The following GLCE variants were observed in gnomAD, a reference collection of about 807,000 sequenced individuals.
The protein encoded by GLCE is D-glucuronyl C5-epimerase.
Under a neutral mutation model 47.9 loss-of-function variants are expected in GLCE, and 19 were observed. The observed-to-expected ratio is 0.40, with a 90% confidence interval of 0.28 to 0.58. The LOEUF (loss-of-function observed/expected upper bound fraction) is 0.58. GLCE is among the 20% of genes least tolerant of loss of function. GLCE has a pLI of 0.48. For synonymous variants in GLCE, 245 were observed against 263.4 expected (o/e 0.93, Z 0.68); for missense variants, 556 against 743.3 (o/e 0.75, Z 2.93).
intron 2 of GLCE, among the ~76,000 whole-genome samples, chr15:69,220,948 T>A (rs1219073230): frequency 1.3e-5 from 2 of 152,216 alleles, no homozygotes; most frequent in African/African-American, 2.4e-5. Context: ...TTGCATATGG[T>A]AAGGATCCAG....
intron 4 of GLCE, among the ~76,000 whole-genome samples, chr15:69,264,356 A>G (rs550508944): frequency 1.3e-5 from 2 of 152,150 alleles, no homozygotes; most frequent in African/African-American, 4.8e-5. Flanking sequence ...ATTCTATTCT[A>G]TAGGTATGTG....
At chr15:69,194,008 A>G (rs1390459861) in intron 1 of GLCE, among the ~76,000 whole-genome samples, 1 of 152,158 alleles carries the variant, frequency 6.6e-6, no homozygotes, top group African/African-American at 2.4e-5. Context: ...CTGAGAAATG[A>G]GAGAAGAAAA....
intron 1 of GLCE, among the ~76,000 whole-genome samples, chr15:69,198,080 T>C (rs2052021614): frequency 6.6e-6 from 1 of 152,196 alleles, no homozygotes; most frequent in South Asian, 2.1e-4. Context: ...TCCTTTCTTA[T>C]GTCTGTACCT....
In GLCE at chr15:69,219,073, T is replaced by C. The variant is rs188549121; in HGVS notation, c.-14+8667T>C. Reference sequence around the variant, plus strand: ...GTCTTTATCTTAATGGTATTGATAGTAATATAGTAATGTTATACTGTGAAC... The same window carrying C: ...GTCTTTATCTTAATGGTATTGATAGCAATATAGTAATGTTATACTGTGAAC... On this transcript the variant is annotated intron_variant, in intron 2 of 4. Transcript: ENST00000261858. 1.4e-3 allele frequency among the ~76,000 whole-genome samples: 216 copies of C among 152,242 alleles called. 1 individual carries two copies. Among genetic ancestry groups the C allele is most frequent in the African/African-American group, 5.0e-3 (209 of 41,576 alleles).
At chr15:69,205,223 A>G (rs2052134112) in intron 1 of GLCE, among the ~76,000 whole-genome samples, 2 of 151,802 alleles carry the variant, frequency 1.3e-5, no homozygotes, top group Non-Finnish European at 2.9e-5. Context: ...AAAAATGGTC[A>G]TGAAGTGGAA....
intron 2 of GLCE, among the ~76,000 whole-genome samples, chr15:69,255,161 A>C (rs956346483): frequency 4.6e-5 from 7 of 152,190 alleles, no homozygotes; most frequent in African/African-American, 1.4e-4. Flanking sequence ...TACCTTGAAA[A>C]GGTCTACTGT....
intron 1 of GLCE, among the ~76,000 whole-genome samples, chr15:69,168,007 T>A (rs2051530714): frequency 6.6e-6 from 1 of 152,164 alleles, no homozygotes; most frequent in South Asian, 2.1e-4. Context: ...ACTTTACTGG[T>A]CACCTTGTTT....
intron 1 of GLCE, among the ~76,000 whole-genome samples, chr15:69,189,435 C>T (rs1488792381): frequency 6.6e-6 from 1 of 152,164 alleles, no homozygotes; most frequent in Non-Finnish European, 1.5e-5. Flanking sequence ...TTTATTTATC[C>T]ATTCACCTAC....
chr15:69,198,968 C>A (rs2052036641), intron 1 of GLCE, among the ~76,000 whole-genome samples: 1 of 152,092 alleles, frequency 6.6e-6, no homozygotes, highest in African/African-American at 2.4e-5. Context: ...TAGAAGTCCG[C>A]CACCCGGTCC....
At chr15:69,224,458 A>G (rs1404579816) in intron 2 of GLCE, among the ~76,000 whole-genome samples, 1 of 152,230 alleles carries the variant, frequency 6.6e-6, no homozygotes, top group Non-Finnish European at 1.5e-5. Context: ...AAATACAGGA[A>G]GAAAAATTGG....
rs1171545707 is a variant in GLCE, at chr15:69,268,448, AC to A, written c.1060del (p.Leu354TrpfsTer22). ...PRTSWSTVTR[D>X]LVTDLRKGVG... ...ACTTCATGGAGCACAGTTACCAGGG[AC>A]CTGGTCACTGACCTCAGGAAAGGAG... On this transcript the variant is annotated frameshift_variant, in exon 5 of 5. Transcript: ENST00000261858. LOFTEE classifies it high-confidence loss of function. 4.3e-6 allele frequency: 7 copies of A among 1,613,324 alleles called. No homozygotes were observed. Among genetic ancestry groups the A allele is most frequent in the Non-Finnish European group, 5.9e-6 (7 of 1,179,370 alleles).
intron 1 of GLCE, among the ~76,000 whole-genome samples, chr15:69,172,035 T>C (rs907662022): frequency 6.6e-6 from 1 of 152,208 alleles, no homozygotes; most frequent in Non-Finnish European, 1.5e-5. Context: ...CCATGTGCCA[T>C]ATACCCTTCA....
intron 2 of GLCE, among the ~76,000 whole-genome samples, chr15:69,249,829 T>C (rs2052812089): frequency 6.6e-6 from 1 of 152,180 alleles, no homozygotes; most frequent in African/African-American, 2.4e-5. Flanking sequence ...ACAGAAAAGA[T>C]GTTTGAATTG....
intron 2 of GLCE, among the ~76,000 whole-genome samples, chr15:69,212,559 C>G (rs952946295): frequency 6.6e-6 from 1 of 151,916 alleles, no homozygotes; most frequent in African/African-American, 2.4e-5. Flanking sequence ...ATTGAATATA[C>G]TGCTTATCTT....
intron 2 of GLCE, among the ~76,000 whole-genome samples, chr15:69,231,385 G>A (rs1446769629): frequency 1.3e-5 from 2 of 151,172 alleles, no homozygotes; most frequent in South Asian, 4.2e-4. Context: ...CCGGGTTCAC[G>A]CCATTCTCCT....
chr15:69,173,683 T>G (rs2051619842), intron 1 of GLCE, among the ~76,000 whole-genome samples: 1 of 152,168 alleles, frequency 6.6e-6, no homozygotes, highest in Non-Finnish European at 1.5e-5. Context: ...CTTTTCCAAT[T>G]TAAAAATTTT....
At chr15:69,241,972 A>G (rs959956092) in intron 2 of GLCE, among the ~76,000 whole-genome samples, 2 of 152,242 alleles carry the variant, frequency 1.3e-5, no homozygotes, top group Non-Finnish European at 2.9e-5. Flanking sequence ...TTAGAACCAA[A>G]AGACCACCTT....
At chr15:69,210,144 TC>T (rs1286003137) in intron 1 of GLCE, among the ~76,000 whole-genome samples, 171 bp from the exon 2 acceptor site, 1 of 152,128 alleles carries the variant, frequency 6.6e-6, no homozygotes, top group Non-Finnish European at 1.5e-5. Context: ...CAGTGGTACA[TC>T]AAATTCTGGT....
At chr15:69,221,863 A>T (rs1248143784) in intron 2 of GLCE, among the ~76,000 whole-genome samples, 1 of 8,768 alleles carries the variant, frequency 1.1e-4, no homozygotes, top group East Asian at 6.6e-3. Flanking sequence ...ACGCTGTCTC[A>T]AAAAAAAAAA....
Sources: allele counts gnomAD v4.1 joint callset (sites outside exome capture counted in the v4.1 genomes callset), GRCh38; gene constraint gnomAD v4.1.1; transcripts MANE v1.5; gene names NCBI Gene and HGNC (gene_info 2026-07-23, HGNC 2026-07-21).